Variants in ESR1 observed in about 807,000 individuals in gnomAD.
ESR1 encodes estrogen receptor.
Under a neutral mutation model 52.7 loss-of-function variants are expected in ESR1, and 12 were observed. That is an observed-to-expected ratio of 0.23 (90% CI 0.15 to 0.37). The LOEUF is 0.37. Ranked by LOEUF, ESR1 falls within the 10% of genes least tolerant of loss-of-function variation. ESR1 has a pLI of 1.00. For synonymous variants in ESR1, 305 were observed against 316.8 expected (o/e 0.96, Z 0.39); for missense variants, 584 against 779.7 (o/e 0.75, Z 2.99).
At chr6:151,811,325 C>CT (rs1256772135) in intron 1 of ESR1, 1 of 152,082 alleles carries the variant, frequency 6.6e-6, no homozygotes, top group African/African-American at 2.4e-5. Flanking sequence ...TCCTGGGTTC[C>CT]TTTTTTAGAT....
rs568406998 is a variant in ESR1, at chr6:152,037,107, G to A, written c.1236-23884G>A. On this transcript the variant is annotated intron_variant, in intron 5 of 7. Coordinates refer to ENST00000206249, the MANE Select transcript of ESR1 (RefSeq NM_000125.4). Reference sequence around the variant, plus strand: ...CCCTGCTTTACATTTATTTCTTAAAGAAGCTTCTGGTAAATTAGAGCAATA... The same window carrying A: ...CCCTGCTTTACATTTATTTCTTAAAAAAGCTTCTGGTAAATTAGAGCAATA... Among the ~76,000 whole-genome samples the A allele has an allele frequency of 9.2e-4, 140 of 152,278 alleles. 1 individual carries two copies. The highest frequency in any genetic ancestry group is 3.2e-3 in the African/African-American group (132 of 41,550).
chr6:151,902,622 T>G (rs962406707), intron 3 of ESR1, among the ~76,000 whole-genome samples: 48 of 152,216 alleles, frequency 3.2e-4, no homozygotes, highest in Non-Finnish European at 1.5e-4. Context: ...TGTTGATAGG[T>G]GTGTAACCTT....
intron 2 of ESR1, among the ~76,000 whole-genome samples, chr6:151,735,627 G>A (rs1435475860): frequency 6.6e-6 from 1 of 151,748 alleles, no homozygotes; most frequent in Non-Finnish European, 1.5e-5. Flanking sequence ...TGCATGAATT[G>A]TATAGTGCTG....
chr6:151,993,259 A>G (rs2041189143), intron 4 of ESR1, among the ~76,000 whole-genome samples: 1 of 152,140 alleles, frequency 6.6e-6, no homozygotes, highest in South Asian at 2.1e-4. Context: ...CTCTGTGGAG[A>G]TAATAAAACC....
chr6:151,960,634 A>C (rs948936833), intron 4 of ESR1, among the ~76,000 whole-genome samples: 1 of 152,200 alleles, frequency 6.6e-6, no homozygotes, highest in Non-Finnish European at 1.5e-5. Flanking sequence ...TCCTGTGGCC[A>C]CTAAGATTTT....
At chr6:151,806,545 T>TATATATATATAC (rs1777895015), upstream of ESR1, among the ~76,000 whole-genome samples, 1 of 142,476 alleles carries the variant, frequency 7.0e-6, no homozygotes, top group Non-Finnish European at 1.5e-5. Context: ...TATATATATA[T>TATATATATATAC]ATATATATAT....
chr6:152,052,223 G>T (rs1159257079), intron 5 of ESR1, among the ~76,000 whole-genome samples: 3 of 152,086 alleles, frequency 2.0e-5, no homozygotes, highest in Non-Finnish European at 2.9e-5. Flanking sequence ...ACTCATTACG[G>T]TAGGATGGCA....
At chr6:151,686,232 A>AT (rs1462272297), upstream of ESR1, among the ~76,000 whole-genome samples, 1 of 152,100 alleles carries the variant, frequency 6.6e-6, no homozygotes, top group Non-Finnish European at 1.5e-5. Context: ...GAAAGAGACT[A>AT]TTTTTATCCC....
rs185912240 is a variant in ESR1 at position 151,708,465 on chromosome 6, A to G, written c.-71+6460A>G. Reference sequence around the variant, plus strand: ...GAGTAGAATTGCTGGTTTAAAAGGTATGTGTATTTTTACATTTCTATTGGT... The same window carrying G: ...GAGTAGAATTGCTGGTTTAAAAGGTGTGTGTATTTTTACATTTCTATTGGT... On this transcript the variant is annotated intron_variant, in intron 2 of 2. Coordinates refer to the ESR1 transcript ENST00000404742. Among the ~76,000 whole-genome samples, 6 of 152,228 alleles carry G rather than the reference A, an allele frequency of 3.9e-5. No homozygotes were observed. The East Asian group carries it at 1.2e-3, about 29-fold the overall frequency.
intron 4 of ESR1, among the ~76,000 whole-genome samples, chr6:151,947,892 T>A (rs2035889833): frequency 6.6e-6 from 1 of 152,354 alleles, no homozygotes; most frequent in Non-Finnish European, 1.5e-5. Flanking sequence ...ACATACTATG[T>A]ATCTACTTTT....
intron 6 of ESR1, among the ~76,000 whole-genome samples, chr6:152,087,436 T>C (rs2049824007): frequency 1.3e-5 from 2 of 152,220 alleles, no homozygotes; most frequent in African/African-American, 4.8e-5. Flanking sequence ...ACACCTACTA[T>C]AACAATAGGC....
chr6:151,921,508 A>T (rs1345299344), intron 3 of ESR1, among the ~76,000 whole-genome samples: 1 of 152,114 alleles, frequency 6.6e-6, no homozygotes, highest in Non-Finnish European at 1.5e-5. Context: ...AGGAATTGCT[A>T]CACCATCTTC....
At chr6:152,105,932 C>T (rs7769336), downstream of ESR1, among the ~76,000 whole-genome samples, 893 of 150,876 alleles carry the variant, frequency 5.9e-3, 9 homozygotes, top group African/African-American at 0.02. Flanking sequence ...GGACTACAGG[C>T]GCCCGCCACC....
chr6:152,080,764 A>G (rs1266640841), intron 6 of ESR1, among the ~76,000 whole-genome samples: 1 of 152,206 alleles, frequency 6.6e-6, no homozygotes, highest in Non-Finnish European at 1.5e-5. Context: ...CTCACGTGCA[A>G]AAATGCACAT....
intron 1 of ESR1, among the ~76,000 whole-genome samples, chr6:151,662,608 G>T (rs910113104): frequency 6.6e-6 from 1 of 152,094 alleles, no homozygotes; most frequent in Non-Finnish European, 1.5e-5. Flanking sequence ...AATCCACAGG[G>T]CGTGAGATGA....
Position 152,100,080 on chromosome 6 carries a change from C to T in ESR1, c.*1114C>T, listed in dbSNP as rs2050910162. On this transcript the variant is annotated 3_prime_UTR_variant, in exon 8 of 8. Transcript: ENST00000206249. Reference sequence around the variant, plus strand: ...CAGTTCTGAGGCACAGCCAGACTTGCTCAGGGTGGCCCTGCCACAGGCTGC... The same window carrying T: ...CAGTTCTGAGGCACAGCCAGACTTGTTCAGGGTGGCCCTGCCACAGGCTGC... 5.0e-6 allele frequency: 2 copies of T among 398,916 alleles called. No individual in the cohort carries two copies. Among genetic ancestry groups the T allele is most frequent in the East Asian group, 7.1e-5 (2 of 28,072 alleles). The allele number at this position is 398,916 out of a possible 1,614,324, so 24.7% of individuals were successfully genotyped here.
intron 4 of ESR1, among the ~76,000 whole-genome samples, chr6:151,964,599 A>G (rs1352760539): frequency 6.6e-6 from 1 of 151,000 alleles, no homozygotes; most frequent in Non-Finnish European, 1.5e-5. Context: ...TGTATATATG[A>G]TGATGTCATC....
intron 2 of ESR1, among the ~76,000 whole-genome samples, chr6:151,792,919 C>G (rs1776318458): frequency 6.6e-6 from 1 of 152,086 alleles, no homozygotes; most frequent in Non-Finnish European, 1.5e-5. Context: ...GCCTGTAATC[C>G]TAGCACTTTG....
intron 1 of ESR1, among the ~76,000 whole-genome samples, chr6:151,832,500 T>C (rs1488093107): frequency 2.0e-5 from 3 of 152,160 alleles, no homozygotes; most frequent in Admixed American, 2.0e-4. Context: ...CTTCTGTCCA[T>C]CCATAGTGAT....
Sources: allele counts gnomAD v4.1 joint callset (sites outside exome capture counted in the v4.1 genomes callset), GRCh38; gene constraint gnomAD v4.1.1; transcripts MANE v1.5; gene names NCBI Gene and HGNC (gene_info 2026-07-23, HGNC 2026-07-21).